Variants in MGAT5 observed in about 807,000 individuals in gnomAD.
MGAT5 encodes the protein alpha-1,6-mannosylglycoprotein 6-beta-N-acetylglucosaminyltransferase A.
MGAT5 carries 30 observed loss-of-function variants against 94.3 expected under a neutral mutation model. The observed-to-expected ratio is 0.32, with a 90% confidence interval of 0.24 to 0.43. The LOEUF (loss-of-function observed/expected upper bound fraction) is 0.43. MGAT5 is among the 20% of genes least tolerant of loss of function. The pLI is 1.00. For synonymous variants in MGAT5, 310 were observed against 322.9 expected (o/e 0.96, Z 0.43); for missense variants, 691 against 905.5 (o/e 0.76, Z 3.04).
In MGAT5 at chr2:134,402,989, A is replaced by G; in HGVS notation, c.1382A>G (p.Asn461Ser). 1 of 1,587,164 alleles carries G rather than the reference A, an allele frequency of 6.3e-7. No homozygotes were observed. The highest frequency in any genetic ancestry group is 8.5e-7 in the Non-Finnish European group (1 of 1,170,740). Residue 461 changes from asparagine (N) to serine (S), a missense_variant and splice_region_variant, in exon 11 of 16, where the codon AAT (asparagine) becomes AGT (serine). Coordinates refer to ENST00000281923, the MANE Select transcript of MGAT5 (RefSeq NM_002410.5). ...VYGKVDSFWK[N>S]KKIYLDIIHT... is the part of the protein sequence containing the mutation. The stretch of plus-strand genomic sequence containing the variant: ...TCTTGTGCTTGTTTTCTTCTTTAGA[A>G]TAAGAAGATCTACTTGGACATTATT...
At chr2:134,170,842 A>G (rs993716119) in intron 1 of MGAT5, among the ~76,000 whole-genome samples, 2 of 150,202 alleles carry the variant, frequency 1.3e-5, no homozygotes, top group African/African-American at 5.0e-5. Flanking sequence ...CATAGTAGAT[A>G]TAGATCTCTA....
chr2:134,280,348 CTCACGTGTGGGA>C (rs963725349), intron 2 of MGAT5, among the ~76,000 whole-genome samples: 1 of 152,164 alleles, frequency 6.6e-6, no homozygotes, highest in Non-Finnish European at 1.5e-5. Flanking sequence ...TTCAGCAAGT[CTCACGTGTGGGA>C]TCACAAACCC....
At chr2:134,208,438 C>T (rs1680126507) in intron 1 of MGAT5, among the ~76,000 whole-genome samples, 1 of 152,078 alleles carries the variant, frequency 6.6e-6, no homozygotes, top group Non-Finnish European at 1.5e-5. Flanking sequence ...GCTTGGTGCC[C>T]AAGGGAAATA....
chr2:134,422,251 C>T (rs952672845), intron 12 of MGAT5, among the ~76,000 whole-genome samples: 6 of 152,110 alleles, frequency 3.9e-5, no homozygotes, highest in African/African-American at 9.7e-5. Flanking sequence ...AATAAAACCC[C>T]CTTTAGGACA....
intron 1 of MGAT5, among the ~76,000 whole-genome samples, chr2:134,214,659 C>T (rs77168184): frequency 0.046 from 7,064 of 152,012 alleles, 469 homozygotes; most frequent in African/African-American, 0.14. Context: ...CTCTTCTCAT[C>T]CTATCACTTG....
rs549957513 is a variant in MGAT5 at position 134,182,168 on chromosome 2, C to G, written c.-143+61877C>G. On this transcript the variant is annotated intron_variant, in intron 1 of 16. Transcript: ENST00000409645. ...TCTTTCTAAATAGTTGTTTTCAAAA[C>G]TAAAGAATGATTCAAAAGGATGTTA... 1.6e-4 allele frequency among the ~76,000 whole-genome samples: 25 copies of G among 152,138 alleles called. No homozygotes were observed. In the South Asian group the frequency reaches 2.3e-3, roughly 14 times the overall value.
chr2:134,377,335 A>G (rs1471528837), intron 10 of MGAT5, among the ~76,000 whole-genome samples: 1 of 152,192 alleles, frequency 6.6e-6, no homozygotes, highest in Non-Finnish European at 1.5e-5. Context: ...GTCTAAGCAG[A>G]AAGAAAGGTG....
intron 1 of MGAT5, among the ~76,000 whole-genome samples, chr2:134,171,288 T>C (rs1688195593): frequency 6.6e-6 from 1 of 152,224 alleles, no homozygotes; most frequent in Admixed American, 6.5e-5. Flanking sequence ...TACTATAAAC[T>C]CCTGAGTTTT....
chr2:134,427,544 TG>T (rs1280279878), intron 13 of MGAT5, among the ~76,000 whole-genome samples: 1 of 152,218 alleles, frequency 6.6e-6, no homozygotes, highest in Non-Finnish European at 1.5e-5. Context: ...AAGGCTTTTT[TG>T]GAAATTCAGT....
chr2:134,317,726 G>A (rs1252790151), intron 3 of MGAT5, 121 bp downstream of exon 3: 2 of 584,596 alleles, frequency 3.4e-6, no homozygotes, highest in Non-Finnish European at 5.5e-6. Flanking sequence ...ATCATTTATG[G>A]GGTGCCTCCA....
chr2:134,187,372 A>C (rs1373351815), intron 1 of MGAT5, among the ~76,000 whole-genome samples: 1 of 152,178 alleles, frequency 6.6e-6, no homozygotes, highest in African/African-American at 2.4e-5. Context: ...ACATGGACTC[A>C]GGTGAGGGGA....
chr2:134,275,048 T>C (rs565935619), intron 2 of MGAT5, among the ~76,000 whole-genome samples: 1 of 152,350 alleles, frequency 6.6e-6, no homozygotes, highest in South Asian at 2.1e-4. Flanking sequence ...AATTTAGTTG[T>C]ACCTGTGCTC....
At chr2:134,338,494 C>A in intron 6 of MGAT5, 74 bp downstream of exon 6, 1 of 1,442,570 alleles carries the variant, frequency 6.9e-7, no homozygotes, top group Non-Finnish European at 9.4e-7. Context: ...GGAAACAAGA[C>A]TAAGAGAAAT....
rs1357779500 is a variant in MGAT5 at position 134,452,126 on chromosome 2, T to G, written c.*3279T>G. The G allele has an allele frequency of 2.6e-5, 4 of 152,208 alleles. No individual in the cohort carries two copies. The highest frequency in any genetic ancestry group is 1.3e-4 in the Admixed American group (2 of 15,280). The allele number at this position is 152,208 out of a possible 1,614,324, so 9.4% of individuals were successfully genotyped here. ...CTTGAGCCACTGTAGCTGTTGAAGC[T>G]GGACACCAGACGCTCCCTATAACCC... On this transcript the variant is annotated 3_prime_UTR_variant, in exon 16 of 16. Coordinates refer to ENST00000281923, the MANE Select transcript of MGAT5 (RefSeq NM_002410.5).
chr2:134,424,197 G>A (rs925244705), intron 13 of MGAT5, among the ~76,000 whole-genome samples: 7 of 152,202 alleles, frequency 4.6e-5, no homozygotes, highest in African/African-American at 1.4e-4. Context: ...GGAAGAGGCT[G>A]GAAAGGCATA....
chr2:134,206,288 A>G (rs964260889), intron 1 of MGAT5, among the ~76,000 whole-genome samples: 1 of 152,172 alleles, frequency 6.6e-6, no homozygotes, highest in Non-Finnish European at 1.5e-5. Flanking sequence ...TTAGCATTCT[A>G]TCCTGTCAAG....
At chr2:134,120,180 C>A, upstream of MGAT5, 1 of 204,218 alleles carries the variant, frequency 4.9e-6, no homozygotes, top group Non-Finnish European at 9.8e-6. Flanking sequence ...CGGGCGCGAT[C>A]CAGCCCAGGT....
intron 1 of MGAT5, among the ~76,000 whole-genome samples, chr2:134,218,219 A>T (rs1680592584): frequency 6.6e-6 from 1 of 152,230 alleles, no homozygotes; most frequent in African/African-American, 2.4e-5. Context: ...ACTTGTTGCA[A>T]CACCATGTTT....
At chr2:134,396,446 T>C (rs1419673262) in intron 10 of MGAT5, among the ~76,000 whole-genome samples, 1 of 152,310 alleles carries the variant, frequency 6.6e-6, no homozygotes, top group African/African-American at 2.4e-5. Context: ...TCTCTTTTTC[T>C]TTTTTGTTTG....
Sources: gnomAD v4.1 joint callset for allele counts (sites outside exome capture counted in the v4.1 genomes callset) on GRCh38, gnomAD v4.1.1 for gene constraint, MANE v1.5 for transcripts, NCBI Gene and HGNC (gene_info 2026-07-23, HGNC 2026-07-21) for gene names.